The following THBS4 variants were observed in gnomAD, a reference collection of about 807,000 sequenced individuals.
THBS4 encodes the protein thrombospondin-4.
A neutral mutation model predicts 115.7 loss-of-function variants in THBS4; 90 were observed. The ratio of observed to expected loss-of-function variants is 0.78; its 90% CI spans 0.66 to 0.93. The LOEUF (loss-of-function observed/expected upper bound fraction) is 0.93, where lower values mean the gene tolerates loss of function less well. Ranked by LOEUF, THBS4 falls within the 40% of genes least tolerant of loss-of-function variation. THBS4 has a pLI of 0.00. For synonymous variants in THBS4, 460 were observed against 479.3 expected, an observed-to-expected ratio of 0.96 and a Z score of 0.53; for missense variants, 1,087 against 1,232.7, an observed-to-expected ratio of 0.88 and a Z score of 1.77.
At chr5:80,003,843 A>G (rs1580902870) in intron 2 of THBS4, among the ~76,000 whole-genome samples, 1 of 152,338 alleles carries the variant, frequency 6.6e-6, no homozygotes, top group South Asian at 2.1e-4. Flanking sequence ...TTTATCATCA[A>G]AAGCCGCTTG....
chr5:80,065,632 TTAATA>T (rs1379601476), intron 9 of THBS4, among the ~76,000 whole-genome samples, 155 bp downstream of exon 9: 9 of 152,336 alleles, frequency 5.9e-5, no homozygotes, highest in East Asian at 1.9e-4. Flanking sequence ...GAAAAAGTGT[TTAATA>T]TGAGTAATTT....
intron 16 of THBS4, among the ~76,000 whole-genome samples, chr5:80,077,610 A>C (rs1238452827): frequency 6.6e-6 from 1 of 152,226 alleles, no homozygotes; most frequent in Non-Finnish European, 1.5e-5. Context: ...TAGCTGAACA[A>C]CACACACGTG....
At chr5:80,020,556 T>G (rs1580916619) in intron 2 of THBS4, among the ~76,000 whole-genome samples, 1 of 152,132 alleles carries the variant, frequency 6.6e-6, no homozygotes, top group Non-Finnish European at 1.5e-5. Context: ...GTCCTGTGAG[T>G]GCATCGCTTA....
At chr5:80,069,979 C>T (rs754669278) in intron 10 of THBS4, among the ~76,000 whole-genome samples, 2 of 152,186 alleles carry the variant, frequency 1.3e-5, no homozygotes, top group East Asian at 3.8e-4. Context: ...ACCTCCCGTC[C>T]CAGGTCAGCT....
intron 20 of THBS4, chr5:80,082,077 G>C (rs2913544): frequency 1.2e-4 from 29 of 242,970 alleles, no homozygotes; most frequent in African/African-American, 5.2e-4. Flanking sequence ...ACTCAAGATA[G>C]CAGGTTTGGT....
At chr5:79,998,349 G>T (rs921636961) in exon 2 of THBS4, 3 of 152,830 alleles carry the variant, frequency 2.0e-5, no homozygotes, top group Non-Finnish European at 2.9e-5. Context: ...GGACGTGCCT[G>T]CTTTGCCTTC....
chr5:80,005,919 A>G (rs2151152138), intron 2 of THBS4, among the ~76,000 whole-genome samples: 1 of 152,010 alleles, frequency 6.6e-6, no homozygotes, highest in East Asian at 1.9e-4. Context: ...GGTGTGCGCC[A>G]TCATGCCCAG....
intron 2 of THBS4, among the ~76,000 whole-genome samples, chr5:80,014,765 C>A (rs1268143483): frequency 6.6e-6 from 1 of 152,132 alleles, no homozygotes; most frequent in Non-Finnish European, 1.5e-5. Context: ...CCTGGGGTCA[C>A]CATAAGCATA....
chr5:80,061,055 A>T (rs1366060087), intron 7 of THBS4, among the ~76,000 whole-genome samples: 2 of 152,238 alleles, frequency 1.3e-5, no homozygotes, highest in African/African-American at 2.4e-5. Context: ...AAACAACTGC[A>T]TACATTTCAC....
intron 2 of THBS4, among the ~76,000 whole-genome samples, chr5:80,055,358 A>G (rs1053033483): frequency 6.6e-5 from 10 of 151,872 alleles, no homozygotes; most frequent in Non-Finnish European, 1.3e-4. Context: ...AAGTATTTAA[A>G]GCACCTAAGG....
rs773155523 is a variant in THBS4 at position 80,059,442 on chromosome 5, T to C, written c.735T>C (p.Val245=). 5.0e-6 allele frequency: 8 copies of C among 1,614,028 alleles called. No individual in the cohort carries two copies. Among genetic ancestry groups the C allele is most frequent in the Non-Finnish European group, 6.8e-6 (8 of 1,179,988 alleles). Residue 245 remains valine (V), a splice_region_variant and synonymous_variant, in exon 6 of 22, where the codon GTT becomes GTC. Transcript: ENST00000350881. ...TTTTCCCCTTCTCATTTTTAAAGGTTAAGGAAACATCATTTTTGCGAAACA... is the reference window on the plus strand; with the variant it reads ...TTTTCCCCTTCTCATTTTTAAAGGTCAAGGAAACATCATTTTTGCGAAACA... ...GEVKDLLRQQ[V]KETSFLRNTI...
intron 2 of THBS4, among the ~76,000 whole-genome samples, chr5:80,006,535 C>T (rs1362053432): frequency 6.6e-6 from 1 of 152,180 alleles, no homozygotes; most frequent in Non-Finnish European, 1.5e-5. Context: ...CCATCAGCAG[C>T]GTGAAAATGG....
intron 2 of THBS4, among the ~76,000 whole-genome samples, chr5:80,015,410 G>A (rs1384645499): frequency 6.6e-6 from 1 of 152,142 alleles, no homozygotes; most frequent in Non-Finnish European, 1.5e-5. Context: ...AGGCCTACAA[G>A]TACTTAGGGA....
chr5:80,010,288 G>A (rs1832098481), intron 2 of THBS4, among the ~76,000 whole-genome samples: 1 of 152,182 alleles, frequency 6.6e-6, no homozygotes, highest in African/African-American at 2.4e-5. Context: ...ATGCTAAGCT[G>A]CTCTAAGTTA....
intron 2 of THBS4, among the ~76,000 whole-genome samples, chr5:80,030,264 C>T (rs1371027499): frequency 6.6e-6 from 1 of 152,030 alleles, no homozygotes; most frequent in Non-Finnish European, 1.5e-5. Context: ...GTGGCATGAT[C>T]ATGGCTTTCA....
chr5:80,058,643 G>T, intron 4 of THBS4, 65 bp from the exon 5 acceptor site: 1 of 1,465,274 alleles, frequency 6.8e-7, no homozygotes, highest in Non-Finnish European at 9.6e-7. Flanking sequence ...GAATAATTTG[G>T]TTTTGAGTCA....
intron 8 of THBS4, among the ~76,000 whole-genome samples, chr5:80,065,035 G>A (rs1447844803): frequency 6.6e-6 from 1 of 151,980 alleles, no homozygotes; most frequent in Non-Finnish European, 1.5e-5. Flanking sequence ...AAAGCAGTCG[G>A]GGGAAGCTGA....
chr5:80,034,553 C>T (rs903017872), upstream of THBS4, among the ~76,000 whole-genome samples: 2 of 152,168 alleles, frequency 1.3e-5, no homozygotes, highest in African/African-American at 4.8e-5. Flanking sequence ...TGCGTTCCTC[C>T]GATCTCTTTC....
In THBS4 at chr5:80,078,986, A is replaced by C. The variant is rs370928395; in HGVS notation, c.2314+17A>C. The C allele has an allele frequency of 3.2e-5, 51 of 1,614,022 alleles. No individual in the cohort carries two copies. In the Admixed American group the frequency reaches 4.3e-4, roughly 14 times the overall value. On this transcript the variant is annotated intron_variant, in intron 18 of 21. Transcript: ENST00000350881. ...TGGCAGTGGGTATGTCCAGGGCCTCAGTTGCCACTCACATAGAATTCTTCC... is the reference window on the plus strand; with the variant it reads ...TGGCAGTGGGTATGTCCAGGGCCTCCGTTGCCACTCACATAGAATTCTTCC...
Sources: gnomAD v4.1 joint callset for allele counts (sites outside exome capture counted in the v4.1 genomes callset) on GRCh38, gnomAD v4.1.1 for gene constraint, MANE v1.5 for transcripts, NCBI Gene and HGNC (gene_info 2026-07-23, HGNC 2026-07-21) for gene names.